STK32B: variants seen among roughly 807,000 people sequenced by gnomAD.
STK32B encodes serine/threonine kinase 32B, also known as serine/threonine-protein kinase 32B.
A neutral mutation model predicts 52.6 loss-of-function variants in STK32B; 43 were observed. The ratio of observed to expected loss-of-function variants is 0.82; its 90% confidence interval spans 0.64 to 1.05. The LOEUF (loss-of-function observed/expected upper bound fraction) is 1.05, where lower values mean the gene tolerates loss of function less well. Ranked by LOEUF, STK32B falls within the 50% of genes least tolerant of loss-of-function variation. The pLI is 0.00. For missense variants in STK32B, 621 were observed against 534.6 expected (o/e 1.16, Z -1.59); for synonymous variants, 238 against 204.3 (o/e 1.17, Z -1.41).
Position 5,138,683 on chromosome 4 carries a change from A to C in STK32B, c.53-1222A>C, listed in dbSNP as rs978653281. ...GAAAAGTGAACTTAATGAAATATACAAAGGTAAAATTACACAAAGCGATGT... is the reference window on the plus strand; with the variant it reads ...GAAAAGTGAACTTAATGAAATATACCAAGGTAAAATTACACAAAGCGATGT... On this transcript the variant is annotated intron_variant, in intron 1 of 11. Transcript: ENST00000282908. Among the ~76,000 whole-genome samples, 7 of 152,236 alleles carry C rather than the reference A, an allele frequency of 4.6e-5. No individual in the cohort carries two copies. The South Asian group carries it at 1.4e-3, about 32-fold the overall frequency.
chr4:5,054,120 C>T (rs1741901800), intron 1 of STK32B, among the ~76,000 whole-genome samples: 1 of 152,134 alleles, frequency 6.6e-6, no homozygotes. Flanking sequence ...ACAGGTAAAA[C>T]AGTGTTACTT....
chr4:5,145,334 A>G (rs1716827219), intron 2 of STK32B, among the ~76,000 whole-genome samples: 1 of 152,228 alleles, frequency 6.6e-6, no homozygotes, highest in Non-Finnish European at 1.5e-5. Flanking sequence ...ATTTCAGCCT[A>G]GAGATTTGCC....
intron 2 of STK32B, among the ~76,000 whole-genome samples, chr4:5,149,768 G>A (rs1022789863): frequency 4.6e-5 from 7 of 151,674 alleles, no homozygotes; most frequent in Admixed American, 1.3e-4. Context: ...GCTATTAGGT[G>A]TAAGATTTTG....
At chr4:5,022,182 A>G in the STK32B span, among the ~76,000 whole-genome samples, 1 of 152,272 alleles carries the variant, frequency 6.6e-6, no homozygotes, top group Non-Finnish European at 1.5e-5. Flanking sequence ...GCCTCCTGGC[A>G]TCTGTCTCCT....
chr4:5,455,236 G>A (rs1237494591), intron 7 of STK32B, among the ~76,000 whole-genome samples: 2 of 152,192 alleles, frequency 1.3e-5, no homozygotes, highest in Non-Finnish European at 2.9e-5. Flanking sequence ...TTGGGCGGGC[G>A]CCTTCTGTCT....
chr4:5,490,639 T>C (rs1480524657), intron 11 of STK32B, among the ~76,000 whole-genome samples: 2 of 152,102 alleles, frequency 1.3e-5, no homozygotes, highest in Non-Finnish European at 2.9e-5. Context: ...GTTAGTTACA[T>C]GTGTATACAT....
At chr4:5,320,241 C>T (rs527620298) in intron 3 of STK32B, among the ~76,000 whole-genome samples, 1 of 152,096 alleles carries the variant, frequency 6.6e-6, no homozygotes, top group Non-Finnish European at 1.5e-5. Flanking sequence ...GAATGATTCC[C>T]CCTCCCATGA....
chr4:5,385,182 G>A (rs1462407094), intron 4 of STK32B, among the ~76,000 whole-genome samples: 1 of 152,082 alleles, frequency 6.6e-6, no homozygotes, highest in South Asian at 2.1e-4. Flanking sequence ...AGAGGGAATG[G>A]GGGAGAAGAA....
At chr4:5,382,905 G>A (rs375603543) in intron 4 of STK32B, among the ~76,000 whole-genome samples, 1 of 152,192 alleles carries the variant, frequency 6.6e-6, no homozygotes. Context: ...TTCATACAGA[G>A]TTAAGGTCCC....
At chr4:5,022,565 G>A in the STK32B span, among the ~76,000 whole-genome samples, 1 of 152,168 alleles carries the variant, frequency 6.6e-6, no homozygotes, top group Non-Finnish European at 1.5e-5. Flanking sequence ...AATCCAGGCA[G>A]GAATTTGCCC....
intron 4 of STK32B, among the ~76,000 whole-genome samples, chr4:5,334,102 C>T (rs1178288589): frequency 6.6e-5 from 10 of 152,018 alleles, no homozygotes; most frequent in Non-Finnish European, 1.2e-4. Context: ...ATTCTTCCTA[C>T]CCATGAGCAT....
chr4:5,077,062 C>T (rs10937620), intron 1 of STK32B, among the ~76,000 whole-genome samples: 103,113 of 152,020 alleles, frequency 0.68, 35,312 homozygotes, highest in East Asian at 0.85. Context: ...CCAGATTATC[C>T]GAGATACATC....
chr4:5,114,378 C>A (rs1375580415), intron 1 of STK32B, among the ~76,000 whole-genome samples: 1 of 151,992 alleles, frequency 6.6e-6, no homozygotes, highest in East Asian at 1.9e-4. Context: ...CATAAAACAT[C>A]TTCTTATAGC....
Position 5,051,782 on chromosome 4 carries a change from T to C in STK32B, c.-82T>C, listed in dbSNP as rs1236564329. On this transcript the variant is annotated 5_prime_UTR_variant, in exon 1 of 12. Transcript: ENST00000282908. ...ACCCGGACTGGGCGCGCCCCCGGCA[T>C]CCCGCATCTCTGCGCGCGTCCCACA... 6.5e-7 allele frequency: 1 copy of C among 1,539,656 alleles called. No individual in the cohort carries two copies.
intron 1 of STK32B, among the ~76,000 whole-genome samples, chr4:5,055,997 T>G (rs1427703760): frequency 6.6e-6 from 1 of 152,188 alleles, no homozygotes; most frequent in Non-Finnish European, 1.5e-5. Flanking sequence ...GGCCACGGAC[T>G]GTTATCAGTT....
At chr4:5,333,128 C>A (rs1732388635) in intron 4 of STK32B, among the ~76,000 whole-genome samples, 1 of 152,010 alleles carries the variant, frequency 6.6e-6, no homozygotes, top group East Asian at 1.9e-4. Context: ...TAAAAGTGTT[C>A]CTATTTCTCC....
intron 4 of STK32B, among the ~76,000 whole-genome samples, chr4:5,366,003 C>G (rs930362726): frequency 6.6e-6 from 1 of 151,848 alleles, no homozygotes; most frequent in African/African-American, 2.4e-5. Flanking sequence ...TGCGCAGACT[C>G]TGGATACTTC....
At chr4:5,199,516 A>G (rs1721957633) in intron 3 of STK32B, among the ~76,000 whole-genome samples, 1 of 151,470 alleles carries the variant, frequency 6.6e-6, no homozygotes, top group Non-Finnish European at 1.5e-5. Context: ...GCATCTCTGA[A>G]TCACTGCATG....
At chr4:5,158,129 A>T (rs1283430252) in intron 2 of STK32B, among the ~76,000 whole-genome samples, 2 of 152,116 alleles carry the variant, frequency 1.3e-5, no homozygotes, top group African/African-American at 2.4e-5. Context: ...AGAGTAGATG[A>T]TCCATTACTG....
Sources: allele counts gnomAD v4.1 joint callset (sites outside exome capture counted in the v4.1 genomes callset), GRCh38; gene constraint gnomAD v4.1.1; transcripts MANE v1.5; gene names NCBI Gene and HGNC (gene_info 2026-07-23, HGNC 2026-07-21).